HS6ST2: variants seen among roughly 807,000 people sequenced by gnomAD.
HS6ST2 encodes the protein heparan-sulfate 6-O-sulfotransferase 2.
Under a neutral mutation model 33.0 loss-of-function variants are expected in HS6ST2, and 17 were observed. The observed-to-expected ratio is 0.52, with a 90% CI of 0.35 to 0.77. HS6ST2 has a LOEUF of 0.77. HS6ST2 is among the 30% of genes least tolerant of loss of function. The pLI is 0.01. For synonymous variants in HS6ST2, 248 were observed against 237.1 expected (o/e 1.05, Z -0.42); for missense variants, 519 against 551.7 (o/e 0.94, Z 0.59).
chrX:132,902,292 G>A (rs1278921474), intron 2 of HS6ST2, among the ~76,000 whole-genome samples: 4 of 110,991 alleles, frequency 3.6e-5, no homozygotes, highest in African/African-American at 9.8e-5. Context: ...TGGTAGAGGC[G>A]GGGTTTCACC....
chrX:132,933,284 C>A (rs1478207291), intron 2 of HS6ST2, among the ~76,000 whole-genome samples: 1 of 110,798 alleles, frequency 9.0e-6, no homozygotes, highest in Non-Finnish European at 1.9e-5. Flanking sequence ...GCCGAGATCG[C>A]ACCAGTGCAC....
At chrX:132,847,809 G>A (rs1048578371) in intron 2 of HS6ST2, among the ~76,000 whole-genome samples, 3 of 112,028 alleles carry the variant, frequency 2.7e-5, no homozygotes, top group Non-Finnish European at 5.6e-5. Context: ...GAAAGGAAGG[G>A]TGAGACTGGA....
chrX:132,952,970 A>G (rs888579472), intron 2 of HS6ST2, among the ~76,000 whole-genome samples: 1 of 111,617 alleles, frequency 9.0e-6, no homozygotes, highest in African/African-American at 3.3e-5. Flanking sequence ...ATATGATCAG[A>G]TTCTTTGACT....
intron 2 of HS6ST2, among the ~76,000 whole-genome samples, chrX:132,906,648 G>A (rs1274462482): frequency 1.8e-5 from 2 of 110,771 alleles, no homozygotes; most frequent in Non-Finnish European, 3.8e-5. Flanking sequence ...TAATGACTGA[G>A]TTCTCACTCT....
chrX:132,935,049 A>G (rs2066809843), intron 2 of HS6ST2, among the ~76,000 whole-genome samples: 1 of 112,075 alleles, frequency 8.9e-6, no homozygotes, highest in Non-Finnish European at 1.9e-5. Flanking sequence ...ACAATGCATC[A>G]AGAAAACAAA....
chrX:132,720,989 T>C (rs964093007), intron 2 of HS6ST2, among the ~76,000 whole-genome samples: 6 of 111,634 alleles, frequency 5.4e-5, no homozygotes, highest in African/African-American at 2.0e-4. Context: ...AATCAGAGAT[T>C]CCAACACCCA....
chrX:132,784,379 G>A (rs2065042343), intron 2 of HS6ST2, among the ~76,000 whole-genome samples: 1 of 111,369 alleles, frequency 9.0e-6, no homozygotes, highest in Non-Finnish European at 1.9e-5. Context: ...GTGCACTCTC[G>A]GCTCACCACA....
intron 2 of HS6ST2, among the ~76,000 whole-genome samples, chrX:132,743,077 C>CG (rs1404138812): frequency 1.8e-5 from 2 of 112,083 alleles, no homozygotes; most frequent in Non-Finnish European, 3.8e-5. Flanking sequence ...CAACACACAA[C>CG]GCCTAATTAA....
chrX:132,738,497 T>C (rs1327347651), intron 2 of HS6ST2, among the ~76,000 whole-genome samples: 1 of 112,626 alleles, frequency 8.9e-6, no homozygotes, highest in African/African-American at 3.2e-5. Flanking sequence ...TTGATGTCAA[T>C]GGTTAATCTA....
intron 2 of HS6ST2, among the ~76,000 whole-genome samples, chrX:132,934,740 T>C (rs1224006613): frequency 9.0e-6 from 1 of 111,009 alleles, no homozygotes; most frequent in East Asian, 2.8e-4. Context: ...ATATGGAAAA[T>C]CAAAATAAGA....
intron 2 of HS6ST2, among the ~76,000 whole-genome samples, chrX:132,925,181 T>G (rs1462712096): frequency 9.0e-6 from 1 of 111,710 alleles, no homozygotes; most frequent in Non-Finnish European, 1.9e-5. Flanking sequence ...AAGACAGGGT[T>G]TAGAATGCTT....
At chrX:132,928,386 C>A (rs964235223) in intron 2 of HS6ST2, among the ~76,000 whole-genome samples, 11 of 110,815 alleles carry the variant, frequency 9.9e-5, no homozygotes, top group Non-Finnish European at 2.1e-4. Context: ...GGATTACAGG[C>A]ATGTGCCACT....
In HS6ST2 at chrX:132,804,066, A is replaced by T. The variant is rs1005046759; in HGVS notation, c.948-95572T>A. On this transcript the variant is annotated intron_variant, in intron 2 of 4. Transcript: ENST00000370833. The stretch of plus-strand genomic sequence containing the variant: ...TCAAAACTATATTGATAATTTATAT[A>T]TGAAAATCAATGCTGAACTAAAATA... Among the ~76,000 whole-genome samples the T allele has an allele frequency of 4.5e-5, 5 of 112,211 alleles. No individual in the cohort carries two copies. In the Admixed American group the frequency reaches 4.7e-4, roughly 11 times the overall value.
chrX:132,901,196 C>T (rs1375412302), intron 2 of HS6ST2, among the ~76,000 whole-genome samples: 1 of 111,784 alleles, frequency 8.9e-6, no homozygotes, highest in Non-Finnish European at 1.9e-5. Flanking sequence ...TTGATTGCAG[C>T]CTTGTGAGAG....
chrX:132,787,904 A>G (rs2065082703), intron 2 of HS6ST2, among the ~76,000 whole-genome samples: 1 of 109,299 alleles, frequency 9.1e-6, no homozygotes, highest in Non-Finnish European at 1.9e-5. Flanking sequence ...AAAAAAAAAG[A>G]GGTATTTTTG....
chrX:132,643,453 T>A (rs189535934), intron 4 of HS6ST2, among the ~76,000 whole-genome samples: 58 of 112,098 alleles, frequency 5.2e-4, no homozygotes, highest in African/African-American at 1.8e-3. Context: ...ATGGAACCAA[T>A]GAGAGCCACT....
At chrX:132,811,494 C>A (rs1357670857) in intron 2 of HS6ST2, among the ~76,000 whole-genome samples, 5 of 106,719 alleles carry the variant, frequency 4.7e-5, no homozygotes, top group Non-Finnish European at 7.7e-5. Context: ...CCTTTCGCAA[C>A]CTCTGGCAAC....
At chrX:132,685,996 C>T (rs758960049) in intron 3 of HS6ST2, among the ~76,000 whole-genome samples, 2 of 111,801 alleles carry the variant, frequency 1.8e-5, no homozygotes, top group Non-Finnish European at 3.8e-5. Flanking sequence ...GATTAGAAAT[C>T]AATCCTAATA....
chrX:132,786,918 G>A (rs1428427544), intron 2 of HS6ST2, among the ~76,000 whole-genome samples: 2 of 107,116 alleles, frequency 1.9e-5, no homozygotes, highest in Non-Finnish European at 3.8e-5. Context: ...CACCCCTCCC[G>A]GCCTATTTCT....
Sources: gnomAD v4.1 joint callset for allele counts (sites outside exome capture counted in the v4.1 genomes callset) on GRCh38, gnomAD v4.1.1 for gene constraint, MANE v1.5 for transcripts, NCBI Gene and HGNC (gene_info 2026-07-23, HGNC 2026-07-21) for gene names.